DNAH17: variants seen among roughly 807,000 people sequenced by gnomAD.
DNAH17 encodes dynein axonemal heavy chain 17, also known as axonemal beta dynein heavy chain 17.
In DNAH17, 376 loss-of-function variants were observed where a neutral mutation model predicts 485.6. The ratio of observed to expected loss-of-function variants is 0.77; its 90% CI spans 0.71 to 0.84. The LOEUF (loss-of-function observed/expected upper bound fraction) is 0.84, where lower values mean the gene tolerates loss of function less well. DNAH17 is among the 40% of genes least tolerant of loss of function. The pLI is 0.00. For missense variants in DNAH17, 6,370 were observed against 5,839.3 expected (o/e 1.09, Z -2.96); for synonymous variants, 3,031 against 2,405.9 (o/e 1.26, Z -7.60).
intron 48 of DNAH17, among the ~76,000 whole-genome samples, chr17:78,483,642 T>C (rs1202860974): frequency 1.6e-5 from 1 of 63,710 alleles, no homozygotes; most frequent in African/African-American, 5.8e-5. Flanking sequence ...GAAATAATAA[T>C]AATAATAATA....
At chr17:78,463,610 G>T (rs1288942859) in intron 56 of DNAH17, among the ~76,000 whole-genome samples, 1 of 152,198 alleles carries the variant, frequency 6.6e-6, no homozygotes, top group Non-Finnish European at 1.5e-5. Context: ...ACGTGCATGT[G>T]CATTCACATA....
At position 78,533,120 on chromosome 17, in the gene DNAH17, T is replaced by G. The variant is rs1046365136; in HGVS notation, c.2860-384A>C. On this transcript the variant is annotated intron_variant, in intron 19 of 80. Coordinates refer to ENST00000389840, the MANE Select transcript of DNAH17 (RefSeq NM_173628.4). ...TGCAATATTCTGCCATGGGAAGGTA[T>G]GCCAAGTGTGACGTTTGTCTGGGGA... 2.4e-5 allele frequency: 5 copies of G among 210,076 alleles called. No homozygotes were observed. The South Asian group carries it at 4.3e-4, about 18-fold the overall frequency. 13.0% of individuals were successfully genotyped at this position (210,076 alleles called of 1,614,324 possible). A position where few individuals can be genotyped will look rare whatever the true frequency, so the allele number is the denominator to read the frequency against.
intron 55 of DNAH17, 138 bp from the exon 56 acceptor site, chr17:78,466,954 T>C (rs1350911341): frequency 2.3e-6 from 2 of 866,194 alleles, no homozygotes; most frequent in Non-Finnish European, 3.3e-6. Context: ...AGCACAGTCC[T>C]GGTTCTGGGT....
chr17:78,446,636 T>C (rs2087316616), intron 69 of DNAH17, among the ~76,000 whole-genome samples: 1 of 151,918 alleles, frequency 6.6e-6, no homozygotes, highest in Non-Finnish European at 1.5e-5. Flanking sequence ...AAATTTATTT[T>C]ATTATTTATT....
intron 44 of DNAH17, 82 bp downstream of exon 44, chr17:78,490,617 T>A (rs1255127276): frequency 6.7e-7 from 1 of 1,494,888 alleles, no homozygotes; most frequent in Admixed American, 2.1e-5. Context: ...GAATGATGAA[T>A]GAATATGCAA....
rs752430261 is a variant in DNAH17 at position 78,484,277 on chromosome 17, CT to C, written c.7649+590del. ...CCCTGGGCACCCTCTGCCTCTGGCT[CT>C]CACATCCTTGCCACACCGGCCTTCC... On this transcript the variant is annotated intron_variant, in intron 48 of 80. Transcript: ENST00000389840. 2.0e-5 allele frequency among the ~76,000 whole-genome samples: 3 copies of C among 152,144 alleles called. No individual in the cohort carries two copies. In the East Asian group the frequency reaches 5.8e-4, roughly 29 times the overall value.
Position 78,529,468 on chromosome 17 carries a change from G to A in DNAH17, c.3507+4C>T, listed in dbSNP as rs368282670. ...GGACGCAGCCACACCCACCCACCAC[G>A]TACCTGCAGCTTCAAGTGGATCTCC... On this transcript the variant is annotated splice_donor_region_variant and intron_variant, in intron 22 of 80. Coordinates refer to ENST00000389840, the MANE Select transcript of DNAH17 (RefSeq NM_173628.4). 4.1e-4 allele frequency: 654 copies of A among 1,613,540 alleles called. No homozygotes were observed. Among genetic ancestry groups the A allele is most frequent in the Non-Finnish European group, 4.5e-4 (530 of 1,179,648 alleles).
Position 78,492,295 on chromosome 17 carries a change from C to T in DNAH17, c.6541+338G>A, listed in dbSNP as rs952339231. Among the ~76,000 whole-genome samples the T allele has an allele frequency of 4.1e-4, 62 of 150,788 alleles. 1 individual carries two copies. The highest frequency in any genetic ancestry group is 6.6e-4 in the Admixed American group (10 of 15,094). On this transcript the variant is annotated intron_variant, in intron 42 of 80. Coordinates refer to ENST00000389840, the MANE Select transcript of DNAH17 (RefSeq NM_173628.4). ...CCCACCGACTGAGGCCAGGGCTCCC[C>T]GGGCAGCCTCCAGCCTGCATGTCTG...
intron 25 of DNAH17, 76 bp from the exon 26 acceptor site, chr17:78,515,098 G>A: frequency 1.9e-6 from 3 of 1,542,216 alleles, no homozygotes; most frequent in Non-Finnish European, 2.6e-6. Flanking sequence ...TTACCTTTCT[G>A]CACTTACTCG....
intron 80 of DNAH17, 84 bp downstream of exon 80, chr17:78,425,262 C>G (rs910992636): frequency 7.2e-7 from 1 of 1,394,482 alleles, no homozygotes; most frequent in Non-Finnish European, 9.9e-7. Context: ...AACAGCCTGT[C>G]TTTGCCAAGA....
intron 72 of DNAH17, among the ~76,000 whole-genome samples, chr17:78,440,844 T>C (rs1355293436): frequency 2.0e-5 from 3 of 152,224 alleles, no homozygotes; most frequent in Non-Finnish European, 2.9e-5. Flanking sequence ...CCATTTTACA[T>C]CCGCTCAGCA....
intron 75 of DNAH17, 106 bp downstream of exon 75, chr17:78,433,923 A>AGGAAGGAGGGAGGAAAGGAGGGAG (rs2086768423): frequency 3.8e-6 from 2 of 528,818 alleles, no homozygotes; most frequent in Non-Finnish European, 5.8e-6. Flanking sequence ...AAGGGAGGGA[A>AGGAAGGAGGGAGGAAAGGAGGGAG]GGAAGGAGGG....
chr17:78,546,517 C>T (rs914441484), intron 16 of DNAH17, among the ~76,000 whole-genome samples: 2 of 152,110 alleles, frequency 1.3e-5, no homozygotes, highest in African/African-American at 4.8e-5. Context: ...CTTTTATATT[C>T]TTTACTGATT....
chr17:78,507,066 C>T (rs539624492), intron 29 of DNAH17, among the ~76,000 whole-genome samples: 32 of 152,196 alleles, frequency 2.1e-4, no homozygotes, highest in African/African-American at 3.6e-4. Context: ...ATTTATTCTC[C>T]GGGTCATTGC....
In DNAH17 at chr17:78,530,345, G is replaced by C; in HGVS notation, c.3282C>G (p.Asn1094Lys). 1.2e-6 allele frequency: 2 copies of C among 1,606,702 alleles called. No homozygotes were observed. The highest frequency in any genetic ancestry group is 8.5e-7 in the Non-Finnish European group (1 of 1,174,498). Reference protein sequence around the residue: ...FKRHLSNHVTNSLADLEAFMK... With the variant: ...FKRHLSNHVTKSLADLEAFMK... ...CGAGTACATGGCTGGGGACCCACCTGTTGGTGACGTGGTTGCTCAGGTGCC... is the reference window on the plus strand; with the variant it reads ...CGAGTACATGGCTGGGGACCCACCTCTTGGTGACGTGGTTGCTCAGGTGCC... The change falls in exon 21 of 81, where the codon AAC (asparagine) becomes AAG (lysine). Residue 1094 changes from asparagine (N) to lysine (K), a missense_variant and splice_region_variant. Physicochemically the swap from Asn to Lys is moderately conservative, Grantham distance 94 (BLOSUM62 0). Transcript: ENST00000389840.
intron 6 of DNAH17, among the ~76,000 whole-genome samples, chr17:78,570,611 G>A (rs1363437091): frequency 6.6e-6 from 1 of 152,106 alleles, no homozygotes; most frequent in Non-Finnish European, 1.5e-5. Context: ...TGTAATCCCA[G>A]CACTTTGGGA....
intron 20 of DNAH17, among the ~76,000 whole-genome samples, chr17:78,531,335 G>GACT (rs1312236366): frequency 7.1e-6 from 1 of 141,578 alleles, no homozygotes; most frequent in African/African-American, 2.7e-5. Flanking sequence ...CATAAAGTCT[G>GACT]TCTTTTTTTT....
intron 19 of DNAH17, among the ~76,000 whole-genome samples, chr17:78,533,679 A>T (rs2091299539): frequency 2.0e-5 from 3 of 152,076 alleles, no homozygotes; most frequent in Admixed American, 1.3e-4. Context: ...CATCTTATGA[A>T]ATTTTGACAT....
At chr17:78,543,484 G>C (rs555795719) in intron 17 of DNAH17, among the ~76,000 whole-genome samples, 42 of 151,450 alleles carry the variant, frequency 2.8e-4, no homozygotes, top group African/African-American at 9.7e-4. Flanking sequence ...TAGAGACGGG[G>C]TTTCACCTTG....
Sources: allele counts gnomAD v4.1 joint callset (sites outside exome capture counted in the v4.1 genomes callset), GRCh38; gene constraint gnomAD v4.1.1; transcripts MANE v1.5; gene names NCBI Gene and HGNC (gene_info 2026-07-23, HGNC 2026-07-21).